The following CD48 variants were observed in gnomAD, a reference collection of about 807,000 sequenced individuals.
CD48 encodes CD48 molecule, also known as CD48 antigen.
A neutral mutation model predicts 22.0 loss-of-function variants in CD48; 20 were observed. That is an observed-to-expected ratio of 0.91 (90% CI 0.64 to 1.32). CD48 has a LOEUF of 1.32. Among genes scored for constraint, CD48 ranks in the 40% most tolerant of loss-of-function variants. The pLI, the probability that CD48 is intolerant of heterozygous loss-of-function variation, is 0.00. For missense variants in CD48, 307 were observed against 286.5 expected, an observed-to-expected ratio of 1.07 and a Z score of -0.52; for synonymous variants, 110 against 110.1, an observed-to-expected ratio of 1.00 and a Z score of 0.01.
chr1:160,686,325 C>T (rs1661998969), intron 1 of CD48, among the ~76,000 whole-genome samples: 1 of 152,008 alleles, frequency 6.6e-6, no homozygotes, highest in South Asian at 2.1e-4. Flanking sequence ...CTTCTGAGGC[C>T]ATCATTTTAG....
intron 1 of CD48, among the ~76,000 whole-genome samples, chr1:160,698,081 C>T (rs1184991118): frequency 8.5e-5 from 13 of 152,182 alleles, no homozygotes; most frequent in Non-Finnish European, 1.9e-4. Flanking sequence ...AACAAGATAT[C>T]GTAAGCCATT....
In CD48 at chr1:160,692,476, G is replaced by A. The variant is rs867035583; in HGVS notation, c.83-7287C>T. On this transcript the variant is annotated intron_variant, in intron 1 of 3. Transcript: ENST00000368046. ...GGTGACCGTAACATTACAACCTCAA[G>A]CGCAGGTTAGAGAAAATAAGACCCA... is the stretch of plus-strand genomic sequence containing the variant. Among the ~76,000 whole-genome samples, 222 of 152,052 alleles carry A rather than the reference G, an allele frequency of 1.5e-3. 2 individuals are homozygous for A. The highest frequency in any genetic ancestry group is 6.8e-3 in the Middle Eastern group (2 of 294).
chr1:160,704,028 G>A (rs1571071826), intron 1 of CD48, among the ~76,000 whole-genome samples: 1 of 152,108 alleles, frequency 6.6e-6, no homozygotes, highest in East Asian at 1.9e-4. Flanking sequence ...AAAAAAAAAT[G>A]CTTTCCTGTA....
intron 3 of CD48, among the ~76,000 whole-genome samples, chr1:160,679,676 T>C (rs1366401074): frequency 6.6e-6 from 1 of 152,070 alleles, no homozygotes; most frequent in East Asian, 1.9e-4. Flanking sequence ...GAATGAGTGA[T>C]ACAGTAGGGA....
At chr1:160,684,853 A>G in intron 2 of CD48, 34 bp downstream of exon 2, 2 of 1,613,718 alleles carry the variant, frequency 1.2e-6, no homozygotes, top group South Asian at 1.1e-5. Context: ...GGGCCACTGG[A>G]GTGGGGATTT....
intron 2 of CD48, among the ~76,000 whole-genome samples, chr1:160,683,312 G>C (rs916914151): frequency 6.6e-6 from 1 of 152,112 alleles, no homozygotes; most frequent in Non-Finnish European, 1.5e-5. Flanking sequence ...GCTTGGGCTG[G>C]ACCAGAGGAC....
chr1:160,706,708 C>T (rs1200613253), intron 1 of CD48, among the ~76,000 whole-genome samples: 2 of 152,090 alleles, frequency 1.3e-5, no homozygotes, highest in South Asian at 2.1e-4. Context: ...AATGAACTCG[C>T]TTTCACTTTT....
At chr1:160,680,418 C>T (rs149945873) in intron 3 of CD48, 38 of 226,306 alleles carry the variant, frequency 1.7e-4, no homozygotes, top group East Asian at 7.3e-4. Flanking sequence ...ATCCTTAGCA[C>T]GAGATAGGAA....
intron 3 of CD48, 117 bp from the exon 4 acceptor site, chr1:160,679,248 C>T: frequency 1.3e-6 from 1 of 752,366 alleles, no homozygotes; most frequent in Non-Finnish European, 2.3e-6. Flanking sequence ...AAATTAATTT[C>T]TTCCCTGAAT....
At chr1:160,704,173 A>G (rs558102774) in intron 1 of CD48, among the ~76,000 whole-genome samples, 5 of 152,330 alleles carry the variant, frequency 3.3e-5, no homozygotes, top group African/African-American at 1.2e-4. Context: ...GAAAGTGATG[A>G]AGCTGAAGCT....
At chr1:160,691,645 C>T in intron 1 of CD48, 1 of 209,760 alleles carries the variant, frequency 4.8e-6, no homozygotes, top group Non-Finnish European at 9.4e-6. Flanking sequence ...TCCCCGGGCC[C>T]CCTTATTTCT....
At chr1:160,706,884 C>T (rs352678) in intron 1 of CD48, among the ~76,000 whole-genome samples, 145,243 of 152,274 alleles carry the variant, frequency 0.95, 69,383 homozygotes, top group East Asian at 0.99. Context: ...GAGTAAGTTC[C>T]GGTTACTCCA....
intron 1 of CD48, 150 bp from the exon 2 acceptor site, chr1:160,685,339 C>G: frequency 1.6e-6 from 1 of 635,966 alleles, no homozygotes; most frequent in East Asian, 2.8e-5. Flanking sequence ...GTCCAGGTCT[C>G]CTGCTTAGGA....
intron 1 of CD48, among the ~76,000 whole-genome samples, chr1:160,703,858 G>A (rs191105169): frequency 1.3e-4 from 20 of 152,316 alleles, no homozygotes; most frequent in Non-Finnish European, 2.6e-4. Flanking sequence ...AGGCCCTGGG[G>A]CAGGGATTTG....
At chr1:160,691,629 G>A (rs908332541) in intron 1 of CD48, 3 of 193,446 alleles carry the variant, frequency 1.6e-5, no homozygotes, top group African/African-American at 4.7e-5. Context: ...TATGCTGAAC[G>A]TTGGTTCCCC....
chr1:160,697,422 C>T (rs1272111615), intron 1 of CD48, among the ~76,000 whole-genome samples: 1 of 152,242 alleles, frequency 6.6e-6, no homozygotes, highest in Admixed American at 6.5e-5. Flanking sequence ...CGCTGCCCTG[C>T]CAAACCTGAG....
At chr1:160,707,434 G>C (rs759133283) in intron 1 of CD48, among the ~76,000 whole-genome samples, 4 of 152,142 alleles carry the variant, frequency 2.6e-5, no homozygotes, top group African/African-American at 9.7e-5. Flanking sequence ...GACGAGCCTG[G>C]GCTAGTGGGA....
intron 1 of CD48, among the ~76,000 whole-genome samples, chr1:160,692,507 C>G (rs1438564701): frequency 1.3e-5 from 2 of 152,074 alleles, no homozygotes; most frequent in African/African-American, 4.8e-5. Context: ...ACCCAACTGC[C>G]AGTAGCTTAT....
intron 3 of CD48, chr1:160,680,873 C>G: frequency 2.2e-6 from 3 of 1,361,594 alleles, no homozygotes; most frequent in Non-Finnish European, 2.8e-6. Flanking sequence ...TCCCTGCTCA[C>G]CCTGATGTTT....
Sources: gnomAD v4.1 joint callset for allele counts (sites outside exome capture counted in the v4.1 genomes callset) on GRCh38, gnomAD v4.1.1 for gene constraint, MANE v1.5 for transcripts, NCBI Gene and HGNC (gene_info 2026-07-23, HGNC 2026-07-21) for gene names.